The following OXCT1 variants were observed in gnomAD, a reference collection of about 807,000 sequenced individuals.
The protein encoded by OXCT1 is 3-oxoacid CoA-transferase 1.
Under a neutral mutation model 69.6 loss-of-function variants are expected in OXCT1, and 27 were observed. The ratio of observed to expected loss-of-function variants is 0.39; its 90% confidence interval spans 0.29 to 0.54. OXCT1 has a LOEUF of 0.54. Among genes scored for constraint, OXCT1 ranks in the 20% least tolerant of loss-of-function variants. The pLI is 0.72. For synonymous variants in OXCT1, 202 were observed against 217.8 expected (o/e 0.93, Z 0.64); for missense variants, 437 against 650.2 (o/e 0.67, Z 3.57).
intron 3 of OXCT1, among the ~76,000 whole-genome samples, chr5:41,855,974 A>G (rs1749409968): frequency 1.3e-5 from 2 of 152,240 alleles, no homozygotes; most frequent in African/African-American, 4.8e-5. Flanking sequence ...AGATGCACTC[A>G]GGAAACTACA....
At chr5:41,734,140 C>T (rs1245349873) in intron 16 of OXCT1, among the ~76,000 whole-genome samples, 1 of 152,108 alleles carries the variant, frequency 6.6e-6, no homozygotes, top group Admixed American at 6.6e-5. Flanking sequence ...TAGGTATATT[C>T]CTGCCTGGAG....
chr5:41,793,931 C>T, intron 13 of OXCT1, 72 bp downstream of exon 13: 1 of 883,302 alleles, frequency 1.1e-6, no homozygotes, highest in Non-Finnish European at 1.9e-6. Context: ...GATCTCATGG[C>T]CCTTTTTCTT....
chr5:41,801,361 T>C (rs1363223172), intron 10 of OXCT1, among the ~76,000 whole-genome samples: 1 of 152,154 alleles, frequency 6.6e-6, no homozygotes, highest in South Asian at 2.1e-4. Context: ...AGTAATTATT[T>C]AGTCCCTACT....
intron 7 of OXCT1, among the ~76,000 whole-genome samples, chr5:41,828,129 T>C (rs758796116): frequency 7.9e-5 from 12 of 152,160 alleles, no homozygotes; most frequent in South Asian, 2.1e-4. Context: ...GTTTTTGAGA[T>C]GGAGTTTTGC....
intron 11 of OXCT1, among the ~76,000 whole-genome samples, chr5:41,796,050 T>A (rs1180278965): frequency 6.6e-6 from 1 of 152,158 alleles, no homozygotes; most frequent in Non-Finnish European, 1.5e-5. Flanking sequence ...CACAGGATTT[T>A]CATAAAATCA....
In OXCT1 at chr5:41,749,546, T is replaced by C. The variant is rs1236574281; in HGVS notation, c.1400A>G (p.Asn467Ser). The C allele has an allele frequency of 6.2e-7, 1 of 1,607,098 alleles. No individual in the cohort carries two copies. The highest frequency in any genetic ancestry group is 8.5e-7 in the Non-Finnish European group (1 of 1,174,442). The change falls in exon 15 of 17, where the codon AAC becomes AGC. Residue 467 changes from asparagine to serine, a missense_variant. Physicochemically the swap from Asn to Ser is conservative, Grantham distance 46. Coordinates refer to ENST00000196371, the MANE Select transcript of OXCT1 (RefSeq NM_000436.4). The part of the protein sequence containing the change: ...TLPLTGKQCV[N>S]RIITEKAVFD... ...TTTTACCTTTTCAGTAATAATGCGG[T>C]TGACACATTGCTTTCCAGTCAATGG...
At chr5:41,755,593 T>G (rs537262883) in intron 14 of OXCT1, among the ~76,000 whole-genome samples, 1 of 152,238 alleles carries the variant, frequency 6.6e-6, no homozygotes, top group South Asian at 2.1e-4. Context: ...AGCCTTCATA[T>G]TTGTTGGCTT....
chr5:41,804,259 G>A (rs986991810), intron 9 of OXCT1, among the ~76,000 whole-genome samples: 18 of 152,056 alleles, frequency 1.2e-4, no homozygotes, highest in Admixed American at 8.5e-4. Flanking sequence ...ATTCCATTAT[G>A]AGCAGGTGTT....
Position 41,870,412 on chromosome 5 carries a change from C to T in OXCT1, c.-54G>A, listed in dbSNP as rs886060639. 3 of 1,360,858 alleles carry T rather than the reference C, an allele frequency of 2.2e-6. No individual in the cohort carries two copies. 84.3% of individuals were successfully genotyped at this position (1,360,858 alleles called of 1,614,324 possible). ...CGGGTTGGAGCGCGCGTTTGAGCGT[C>T]GGTGCGCGACTGCGAAGGAAACCCG... On this transcript the variant is annotated 5_prime_UTR_variant, in exon 1 of 17. Coordinates refer to ENST00000196371, the MANE Select transcript of OXCT1 (RefSeq NM_000436.4). This position sits in a 1 kb window ranked among gnomAD's most constrained non-coding sequence, Gnocchi z 4.2.
chr5:41,863,937 G>A (rs911980628), intron 1 of OXCT1, among the ~76,000 whole-genome samples: 1 of 152,114 alleles, frequency 6.6e-6, no homozygotes, highest in African/African-American at 2.4e-5. Context: ...CCTCCTAGAG[G>A]GACAAAAACA....
chr5:41,850,323 A>G (rs1485467708), intron 4 of OXCT1, 144 bp from the exon 5 acceptor site: 1 of 886,404 alleles, frequency 1.1e-6, no homozygotes, highest in Non-Finnish European at 1.8e-6. Context: ...CTTCACTAAT[A>G]TTGTATGCTA....
chr5:41,809,044 A>G (rs546625791), intron 7 of OXCT1, among the ~76,000 whole-genome samples: 2 of 151,666 alleles, frequency 1.3e-5, no homozygotes, highest in Non-Finnish European at 2.9e-5. Flanking sequence ...TGGTGTAGCC[A>G]TGTGATTAAT....
chr5:41,854,289 G>A (rs937799927), intron 3 of OXCT1, among the ~76,000 whole-genome samples: 14 of 151,944 alleles, frequency 9.2e-5, no homozygotes, highest in South Asian at 4.2e-4. Context: ...TAAAGCTGGC[G>A]CTCAATTTAT....
At chr5:41,842,837 G>A in intron 5 of OXCT1, 56 bp from the exon 6 acceptor site, 2 of 1,111,530 alleles carry the variant, frequency 1.8e-6, no homozygotes, top group Non-Finnish European at 2.8e-6. Flanking sequence ...GATTGTGATA[G>A]AGGCACTCTG....
intron 7 of OXCT1, among the ~76,000 whole-genome samples, chr5:41,838,660 T>G (rs1748488862): frequency 6.6e-6 from 1 of 151,772 alleles, no homozygotes; most frequent in Non-Finnish European, 1.5e-5. Context: ...GGTCTCACTG[T>G]GTGGCCCAGG....
At chr5:41,833,606 T>A (rs371167551) in intron 7 of OXCT1, among the ~76,000 whole-genome samples, 1 of 150,364 alleles carries the variant, frequency 6.7e-6, no homozygotes, top group Admixed American at 6.6e-5. Context: ...TAAGCACACA[T>A]AGAAACACAG....
At chr5:41,836,406 T>A (rs551303196) in intron 7 of OXCT1, among the ~76,000 whole-genome samples, 63 of 152,288 alleles carry the variant, frequency 4.1e-4, no homozygotes, top group African/African-American at 1.4e-3. Flanking sequence ...TGGCTGCACA[T>A]TTTAAGAAAT....
At position 41,767,722 on chromosome 5, in the gene OXCT1, G is replaced by GTATATATATATATA. The variant is rs367584226; in HGVS notation, c.1249-5536_1249-5523dup. Reference sequence around the variant, plus strand: ...TCTAGTATCTAATATATATGTGTGTGTATATATATATATATATATATATAT... The same window carrying GTATATATATATATA: ...TCTAGTATCTAATATATATGTGTGTGTATATATATATATATATATATATATATATATATATATAT... On this transcript the variant is annotated intron_variant, in intron 13 of 16. Coordinates refer to ENST00000196371, the MANE Select transcript of OXCT1 (RefSeq NM_000436.4). 4.6e-3 allele frequency among the ~76,000 whole-genome samples: 416 copies of GTATATATATATATA among 89,818 alleles called. 12 individuals carry two copies. The highest frequency in any genetic ancestry group is 0.012 in the African/African-American group (230 of 18,504). 58.9% of individuals were successfully genotyped at this position (89,818 alleles called of 152,430 possible).
At chr5:41,809,202 C>T (rs374729869) in intron 7 of OXCT1, among the ~76,000 whole-genome samples, 1 of 151,904 alleles carries the variant, frequency 6.6e-6, no homozygotes, top group Non-Finnish European at 1.5e-5. Flanking sequence ...AGGAAACACA[C>T]GGAAATGCTA....
Sources: allele counts gnomAD v4.1 joint callset (sites outside exome capture counted in the v4.1 genomes callset), GRCh38; gene constraint gnomAD v4.1.1; non-coding constraint Gnocchi (gnomAD v3.1); transcripts MANE v1.5; gene names NCBI Gene and HGNC (gene_info 2026-07-23, HGNC 2026-07-21).